Variants in GRIK1 observed in about 807,000 individuals in gnomAD.
GRIK1 encodes glutamate ionotropic receptor kainate type subunit 1, also known as glutamate receptor ionotropic, kainate 1.
Under a neutral mutation model 105.7 loss-of-function variants are expected in GRIK1, and 69 were observed. The ratio of observed to expected loss-of-function variants is 0.65; its 90% CI spans 0.54 to 0.80. The LOEUF is 0.80. Among genes scored for constraint, GRIK1 ranks in the 30% least tolerant of loss-of-function variants. GRIK1 has a pLI of 0.00. For missense variants in GRIK1, 1,109 were observed against 1,167.3 expected, an observed-to-expected ratio of 0.95 and a Z score of 0.73; for synonymous variants, 438 against 431.3, an observed-to-expected ratio of 1.02 and a Z score of -0.19.
intron 1 of GRIK1, among the ~76,000 whole-genome samples, chr21:29,795,998 A>G (rs1389415044): frequency 6.6e-6 from 1 of 152,144 alleles, no homozygotes; most frequent in East Asian, 1.9e-4. Flanking sequence ...ACATTTGTAC[A>G]TTATCACCCT....
At chr21:29,883,974 T>C (rs1030661873) in intron 1 of GRIK1, among the ~76,000 whole-genome samples, 1 of 152,018 alleles carries the variant, frequency 6.6e-6, no homozygotes, top group Non-Finnish European at 1.5e-5. Context: ...CCACTCTGAC[T>C]CTTCCTAAAA....
intron 1 of GRIK1, among the ~76,000 whole-genome samples, chr21:29,794,153 G>A (rs1223349211): frequency 1.3e-5 from 2 of 152,030 alleles, no homozygotes; most frequent in Non-Finnish European, 2.9e-5. Context: ...TGTTTGATAA[G>A]ATAATTATAA....
At chr21:29,792,107 G>C (rs2066434494) in intron 1 of GRIK1, among the ~76,000 whole-genome samples, 1 of 152,026 alleles carries the variant, frequency 6.6e-6, no homozygotes, top group Non-Finnish European at 1.5e-5. Flanking sequence ...ATGTGTGTGT[G>C]TATATAGTAT....
intron 1 of GRIK1, among the ~76,000 whole-genome samples, chr21:29,886,014 T>C (rs2069613814): frequency 6.6e-6 from 1 of 152,104 alleles, no homozygotes; most frequent in Admixed American, 6.6e-5. Flanking sequence ...ATCTAGTCCT[T>C]TTTATGAAAC....
At chr21:29,851,120 T>A (rs1022586043) in intron 1 of GRIK1, among the ~76,000 whole-genome samples, 9 of 151,908 alleles carry the variant, frequency 5.9e-5, no homozygotes, top group Admixed American at 5.9e-4. Context: ...AATGGTAAGA[T>A]CTTGGCTCAC....
In GRIK1 at chr21:29,800,661, C is replaced by T. The variant is rs145478071; in HGVS notation, c.119-106598G>A. On this transcript the variant is annotated intron_variant, in intron 1 of 17. Coordinates refer to ENST00000327783, the MANE Select transcript of GRIK1 (RefSeq NM_001330994.2). ...TTAATGAAACAAACCAACCCGTTCA[C>T]GCATTAGGCTTTTGATGAATACCTT... is the stretch of plus-strand genomic sequence containing the variant. Among the ~76,000 whole-genome samples, 208 of 152,326 alleles carry T rather than the reference C, an allele frequency of 1.4e-3. 2 individuals are homozygous for T. The highest frequency in any genetic ancestry group is 0.012 in the Admixed American group (182 of 15,294).
intron 4 of GRIK1, 90 bp from the exon 5 acceptor site, chr21:29,654,953 A>G (rs1316488061): frequency 2.4e-6 from 2 of 842,936 alleles, no homozygotes; most frequent in Non-Finnish European, 4.1e-6. Context: ...GCTTGGAAAC[A>G]TAGAACAGGA....
At chr21:29,576,051 A>G (rs2090885939) in intron 14 of GRIK1, among the ~76,000 whole-genome samples, 1 of 151,692 alleles carries the variant, frequency 6.6e-6, no homozygotes, top group South Asian at 2.1e-4. Context: ...TTTTTTCCCA[A>G]AAAAAACTTT....
Position 29,823,968 on chromosome 21 carries a change from A to T in GRIK1, c.118+115415T>A, listed in dbSNP as rs577429407. Among the ~76,000 whole-genome samples the T allele has an allele frequency of 2.6e-5, 4 of 152,096 alleles. No individual in the cohort carries two copies. The East Asian group carries it at 7.7e-4, about 29-fold the overall frequency. ...ATGGAGGGTCATAAGAAGACAAAGA[A>T]CAAGGAGTCTAACAGGATCCCACTA... On this transcript the variant is annotated intron_variant, in intron 1 of 17. Transcript: ENST00000327783.
intron 1 of GRIK1, among the ~76,000 whole-genome samples, chr21:29,794,577 A>C (rs1367209152): frequency 2.0e-5 from 3 of 152,218 alleles, no homozygotes; most frequent in African/African-American, 7.2e-5. Flanking sequence ...TGGATCTGTG[A>C]GTTAACCAGT....
At chr21:29,903,117 A>G (rs2070470600) in intron 1 of GRIK1, among the ~76,000 whole-genome samples, 1 of 152,226 alleles carries the variant, frequency 6.6e-6, no homozygotes, top group African/African-American at 2.4e-5. Context: ...CTTACACCTT[A>G]TGCAAAAATT....
intron 1 of GRIK1, among the ~76,000 whole-genome samples, chr21:29,731,265 T>G (rs535083015): frequency 6.6e-6 from 1 of 152,332 alleles, no homozygotes; most frequent in African/African-American, 2.4e-5. Flanking sequence ...ACTCTCATAA[T>G]AAGCAGATGT....
intron 1 of GRIK1, among the ~76,000 whole-genome samples, chr21:29,751,759 A>T (rs2065208622): frequency 6.6e-6 from 1 of 152,116 alleles, no homozygotes; most frequent in Admixed American, 6.6e-5. Flanking sequence ...GGTACATCTG[A>T]TTTTTACATA....
At chr21:29,662,854 A>G in intron 4 of GRIK1, among the ~76,000 whole-genome samples, 1 of 152,122 alleles carries the variant, frequency 6.6e-6, no homozygotes, top group Non-Finnish European at 1.5e-5. Flanking sequence ...CCTGAGCCTC[A>G]TTCCTAAATA....
intron 1 of GRIK1, among the ~76,000 whole-genome samples, chr21:29,892,225 G>A (rs528181397): frequency 5.3e-5 from 8 of 152,248 alleles, no homozygotes; most frequent in African/African-American, 1.9e-4. Context: ...CCAAAGTCTG[G>A]AGTTGTTGGT....
intron 3 of GRIK1, among the ~76,000 whole-genome samples, chr21:29,685,579 G>A (rs1221759725): frequency 6.6e-6 from 1 of 152,104 alleles, no homozygotes; most frequent in Admixed American, 6.5e-5. Flanking sequence ...TCTGTGGCAT[G>A]CAATATTCAA....
chr21:29,675,098 C>T (rs2063240755), intron 3 of GRIK1, among the ~76,000 whole-genome samples: 1 of 152,108 alleles, frequency 6.6e-6, no homozygotes, highest in Admixed American at 6.5e-5. Flanking sequence ...ACCATTATTA[C>T]TATTATTATT....
intron 16 of GRIK1, chr21:29,553,150 G>A: frequency 1.1e-6 from 1 of 898,578 alleles, no homozygotes; most frequent in Non-Finnish European, 1.3e-6. Context: ...ACAGGGAGAA[G>A]AAAAGAGGAG....
intron 1 of GRIK1, among the ~76,000 whole-genome samples, chr21:29,930,089 T>A (rs1159725827): frequency 6.6e-6 from 1 of 152,218 alleles, no homozygotes; most frequent in Non-Finnish European, 1.5e-5. Context: ...TTTAGATGAT[T>A]CACAATCATT....
Sources: allele counts gnomAD v4.1 joint callset (sites outside exome capture counted in the v4.1 genomes callset), GRCh38; gene constraint gnomAD v4.1.1; transcripts MANE v1.5; gene names NCBI Gene and HGNC (gene_info 2026-07-23, HGNC 2026-07-21).